GPHN: variants seen among roughly 807,000 people sequenced by gnomAD.
The protein encoded by GPHN is gephyrin.
Under a neutral mutation model 95.5 loss-of-function variants are expected in GPHN, and 17 were observed. The observed-to-expected ratio is 0.18, with a 90% CI of 0.12 to 0.27. The LOEUF is 0.27. GPHN is among the 10% of genes least tolerant of loss of function. The pLI, the probability that GPHN is intolerant of heterozygous loss-of-function variation, is 1.00. For missense variants in GPHN, 660 were observed against 978.1 expected, an observed-to-expected ratio of 0.67 and a Z score of 4.34; for synonymous variants, 320 against 322.5, an observed-to-expected ratio of 0.99 and a Z score of 0.08.
the GPHN span, among the ~76,000 whole-genome samples, chr14:67,693,779 C>T: frequency 6.6e-6 from 1 of 151,636 alleles, no homozygotes; most frequent in Admixed American, 6.6e-5. Context: ...CGATTCTCAT[C>T]CCTCACCCCC....
At chr14:66,714,981 G>A (rs1435178773) in intron 2 of GPHN, among the ~76,000 whole-genome samples, 2 of 152,070 alleles carry the variant, frequency 1.3e-5, no homozygotes, top group Non-Finnish European at 2.9e-5. Context: ...TTAGGGTGAT[G>A]TTGGCTTCAT....
intron 1 of GPHN, among the ~76,000 whole-genome samples, chr14:66,526,550 T>C (rs1390060407): frequency 6.6e-6 from 1 of 152,242 alleles, no homozygotes; most frequent in Non-Finnish European, 1.5e-5. Flanking sequence ...CATCCTTGTC[T>C]TGTGCTGGTT....
the GPHN span, chr14:67,734,086 C>T: frequency 5.0e-6 from 2 of 396,288 alleles, no homozygotes; most frequent in East Asian, 1.2e-4. Flanking sequence ...GGAAAGTCAG[C>T]AACCCTCTGG....
At chr14:67,720,055 C>T in the GPHN span, among the ~76,000 whole-genome samples, 7 of 152,210 alleles carry the variant, frequency 4.6e-5, no homozygotes, top group Non-Finnish European at 1.0e-4. Context: ...ACGAGCAATG[C>T]ATCAGCATTA....
the GPHN span, chr14:67,555,910 G>T: frequency 6.2e-7 from 1 of 1,611,172 alleles, no homozygotes; most frequent in South Asian, 1.1e-5. Context: ...GGGGATCGGC[G>T]GGAATATGCA....
chr14:67,331,067 CAG>C, the GPHN span, among the ~76,000 whole-genome samples: 1 of 151,660 alleles, frequency 6.6e-6, no homozygotes, highest in Admixed American at 6.6e-5. Flanking sequence ...TTTTTTGAGA[CAG>C]AGTCTCACTC....
the GPHN span, among the ~76,000 whole-genome samples, chr14:67,361,248 A>G: frequency 6.6e-6 from 1 of 152,210 alleles, no homozygotes; most frequent in Admixed American, 6.5e-5. Flanking sequence ...TTCGAGAAAA[A>G]GTATAGCAGA....
the GPHN span, among the ~76,000 whole-genome samples, chr14:67,623,042 T>A: frequency 6.6e-6 from 1 of 152,198 alleles, no homozygotes; most frequent in African/African-American, 2.4e-5. Context: ...GAGGCTTCAG[T>A]TTATATGGCC....
At chr14:67,724,521 C>T in the GPHN span, 5 of 1,613,340 alleles carry the variant, frequency 3.1e-6, no homozygotes, top group Non-Finnish European at 4.2e-6. Flanking sequence ...AGCTTCCTGG[C>T]AAGGTAGTGG....
intron 10 of GPHN, among the ~76,000 whole-genome samples, chr14:67,029,934 C>G (rs979859201): frequency 6.6e-6 from 1 of 151,200 alleles, no homozygotes; most frequent in African/African-American, 2.4e-5. Context: ...CTTCTGTCTC[C>G]TAGTGTTCCT....
chr14:67,352,918 T>C, the GPHN span: 3 of 1,582,718 alleles, frequency 1.9e-6, no homozygotes, highest in South Asian at 1.1e-5. Flanking sequence ...AAAAGTTCAT[T>C]CTACCTCTAT....
At chr14:66,731,947 G>T (rs965125703) in intron 2 of GPHN, among the ~76,000 whole-genome samples, 2 of 152,222 alleles carry the variant, frequency 1.3e-5, no homozygotes, top group African/African-American at 4.8e-5. Context: ...GCTTCAGAGG[G>T]TGCAAGCCCC....
At chr14:67,564,821 TG>T in the GPHN span, among the ~76,000 whole-genome samples, 1 of 151,970 alleles carries the variant, frequency 6.6e-6, no homozygotes, top group Non-Finnish European at 1.5e-5. Flanking sequence ...CCCGAGTAGC[TG>T]GCACTACAGG....
chr14:67,315,279 T>TAA, the GPHN span, among the ~76,000 whole-genome samples: 6 of 141,568 alleles, frequency 4.2e-5, no homozygotes, highest in Admixed American at 7.0e-5. Context: ...TTTTTTTTTT[T>TAA]TTTTTTTTTT....
At chr14:67,597,622 A>G in the GPHN span, among the ~76,000 whole-genome samples, 1 of 152,206 alleles carries the variant, frequency 6.6e-6, no homozygotes, top group Admixed American at 6.5e-5. Flanking sequence ...AATTAATTGC[A>G]TTGAATAAGC....
At chr14:66,971,519 TTG>T (rs2069776453) in intron 9 of GPHN, among the ~76,000 whole-genome samples, 1 of 152,230 alleles carries the variant, frequency 6.6e-6, no homozygotes, top group South Asian at 2.1e-4. Context: ...GTATTAAGTC[TTG>T]TAATATGTTG....
chr14:67,427,508 C>T, the GPHN span, among the ~76,000 whole-genome samples: 174 of 152,320 alleles, frequency 1.1e-3, 1 homozygote, highest in African/African-American at 4.1e-3. Flanking sequence ...AATCCCAACA[C>T]CCTGCCGCGA....
In GPHN at chr14:67,128,260, C is replaced by CTTTTTTT. The variant is rs763164125; in HGVS notation, c.1748+5891_1748+5897dup. ...ACTTTTAAGCACAACCCTATTTCTA[C>CTTTTTTT]TTTTTTTTTTTTTTGAGACGGAGTC... On this transcript the variant is annotated intron_variant, in intron 17 of 22. Transcript: ENST00000478722. Among the ~76,000 whole-genome samples, 357 of 144,694 alleles carry CTTTTTTT rather than the reference C, an allele frequency of 2.5e-3. 5 individuals carry two copies. The highest frequency in any genetic ancestry group is 8.7e-3 in the African/African-American group (345 of 39,724). 94.9% of individuals were successfully genotyped at this position (144,694 alleles called of 152,430 possible). A position where few individuals can be genotyped will look rare whatever the true frequency, so the allele number is the denominator to read the frequency against.
intron 10 of GPHN, among the ~76,000 whole-genome samples, chr14:67,037,013 AC>A (rs2153633848): frequency 6.6e-6 from 1 of 152,164 alleles, no homozygotes; most frequent in African/African-American, 2.4e-5. Context: ...TGGAAGTCTT[AC>A]ATCTCTTGAT....
Sources: allele counts gnomAD v4.1 joint callset (sites outside exome capture counted in the v4.1 genomes callset), GRCh38; gene constraint gnomAD v4.1.1; transcripts MANE v1.5; gene names NCBI Gene and HGNC (gene_info 2026-07-23, HGNC 2026-07-21).